Variants in SH3D19 observed in about 807,000 individuals in gnomAD.
SH3D19 encodes the protein SH3 domain-containing protein 19.
A neutral mutation model predicts 112.1 loss-of-function variants in SH3D19; 58 were observed. The observed-to-expected ratio is 0.52, with a 90% CI of 0.42 to 0.64. The LOEUF is 0.64. Ranked by LOEUF, SH3D19 falls within the 30% of genes least tolerant of loss-of-function variation. The pLI is 0.00. For missense variants in SH3D19, 1,090 were observed against 1,263.4 expected, an observed-to-expected ratio of 0.86 and a Z score of 2.08; for synonymous variants, 391 against 448.5, an observed-to-expected ratio of 0.87 and a Z score of 1.62.
At chr4:151,236,335 C>T (rs754486182) in intron 1 of SH3D19, among the ~76,000 whole-genome samples, 7 of 152,272 alleles carry the variant, frequency 4.6e-5, no homozygotes, top group Non-Finnish European at 4.4e-5. Context: ...GCACAGCTGG[C>T]TGGCACCTGC....
chr4:151,264,499 T>C (rs952185330), intron 1 of SH3D19, among the ~76,000 whole-genome samples: 9 of 151,918 alleles, frequency 5.9e-5, no homozygotes, highest in African/African-American at 9.7e-5. Flanking sequence ...TTCTATTCTT[T>C]AGTAGTAAGT....
rs940522602 is a variant in SH3D19 at position 151,143,973 on chromosome 4, T to C, written c.2160A>G (p.Arg720=). Reference sequence around the variant, plus strand: ...TAATCTTCATTTGAGACAGGTGAACTCTGCCAGTGTCTTCTCCCTTTTGGC... The same window carrying C: ...TAATCTTCATTTGAGACAGGTGAACCCTGCCAGTGTCTTCTCCCTTTTGGC... ...LECQKGEDTG[R]VHLSQMKIIT... The change falls in exon 12 of 20, where the codon AGA becomes AGG. Residue 720 remains arginine, a synonymous_variant. Transcript: ENST00000604030. 5 of 1,614,142 alleles carry C rather than the reference T, an allele frequency of 3.1e-6. No individual in the cohort carries two copies. The Admixed American group carries it at 8.3e-5, about 27-fold the overall frequency.
chr4:151,151,782 T>C (rs752858920), intron 9 of SH3D19, among the ~76,000 whole-genome samples: 9 of 152,204 alleles, frequency 5.9e-5, no homozygotes, highest in Non-Finnish European at 1.2e-4. Context: ...GCTTGAAAAA[T>C]GCATTTATTT....
intron 2 of SH3D19, among the ~76,000 whole-genome samples, chr4:151,210,843 C>T (rs1300339615): frequency 2.0e-5 from 3 of 151,908 alleles, no homozygotes; most frequent in Non-Finnish European, 2.9e-5. Context: ...ATAATAGGCA[C>T]GTATTATTTT....
Position 151,128,264 on chromosome 4 carries a change from G to A in SH3D19, c.2835C>T (p.Ile945=), listed in dbSNP as rs781524751. Reference sequence around the variant, plus strand: ...CAGAATCCAGACGTTCCAGAATCTGGATCCGGTCTCCCCTCTTGAATGATA... The same window carrying A: ...CAGAATCCAGACGTTCCAGAATCTGAATCCGGTCTCCCCTCTTGAATGATA... ...DDLSFKRGDR[I]QILERLDSDW... Residue 945 remains isoleucine, a synonymous_variant, in exon 18 of 20, where the codon ATC becomes ATT. Transcript: ENST00000604030. 1 of 1,613,958 alleles carries A rather than the reference G, an allele frequency of 6.2e-7. No individual in the cohort carries two copies. Among genetic ancestry groups the A allele is most frequent in the East Asian group, 2.2e-5 (1 of 44,886 alleles).
intron 1 of SH3D19, among the ~76,000 whole-genome samples, chr4:151,294,378 T>C (rs1775557546): frequency 6.6e-6 from 1 of 152,214 alleles, no homozygotes; most frequent in African/African-American, 2.4e-5. Context: ...TGGCAACATT[T>C]TTCTCATTAA....
chr4:151,175,992 T>C (rs1759900342), intron 6 of SH3D19, among the ~76,000 whole-genome samples: 1 of 152,080 alleles, frequency 6.6e-6, no homozygotes, highest in African/African-American at 2.4e-5. Flanking sequence ...CACTTCAGCT[T>C]CCTGAGTAGC....
At chr4:151,249,100 C>G (rs1463723568) in intron 1 of SH3D19, among the ~76,000 whole-genome samples, 1 of 152,090 alleles carries the variant, frequency 6.6e-6, no homozygotes, top group Non-Finnish European at 1.5e-5. Flanking sequence ...ATAAAACACT[C>G]AAGGGTATGT....
In SH3D19 at chr4:151,254,850, C is replaced by T. The variant is rs573086113; in HGVS notation, c.113-28764G>A. Among the ~76,000 whole-genome samples, 773 of 152,004 alleles carry T rather than the reference C, an allele frequency of 5.1e-3. 7 individuals carry two copies. Among genetic ancestry groups the T allele is most frequent in the African/African-American group, 0.018 (732 of 41,482 alleles). On this transcript the variant is annotated intron_variant, in intron 1 of 19. Transcript: ENST00000604030. ...TGAGCTGTTGGGCACACCTCCCAGACGGGGTGGTGGCCGGGCAGAGGGCTC... is the reference window on the plus strand; with the variant it reads ...TGAGCTGTTGGGCACACCTCCCAGATGGGGTGGTGGCCGGGCAGAGGGCTC...
intron 2 of SH3D19, among the ~76,000 whole-genome samples, chr4:151,192,779 T>C (rs1762848873): frequency 6.6e-6 from 1 of 152,208 alleles, no homozygotes; most frequent in South Asian, 2.1e-4. Flanking sequence ...TCTCAGGATG[T>C]TTCCCAAGAA....
At chr4:151,130,387 G>T (rs1750371400) in intron 17 of SH3D19, among the ~76,000 whole-genome samples, 1 of 152,004 alleles carries the variant, frequency 6.6e-6, no homozygotes, top group Non-Finnish European at 1.5e-5. Context: ...AGTGAGCTGA[G>T]ACCTCGACAC....
intron 2 of SH3D19, among the ~76,000 whole-genome samples, chr4:151,202,266 C>T (rs954883402): frequency 1.3e-5 from 2 of 152,080 alleles, no homozygotes; most frequent in Non-Finnish European, 2.9e-5. Context: ...ACTCAGGAGG[C>T]GGAGGTTGCT....
intron 1 of SH3D19, among the ~76,000 whole-genome samples, chr4:151,238,720 G>A (rs1770328083): frequency 6.6e-6 from 1 of 151,944 alleles, no homozygotes; most frequent in African/African-American, 2.4e-5. Context: ...CAGTGGGGCA[G>A]TCTTGGTCTC....
intron 1 of SH3D19, among the ~76,000 whole-genome samples, chr4:151,289,276 C>T (rs1182608634): frequency 1.3e-5 from 2 of 152,048 alleles, no homozygotes; most frequent in Non-Finnish European, 2.9e-5. Flanking sequence ...AACTATAGCA[C>T]CTTTAGGAAA....
At position 151,299,721 on chromosome 4, in the gene SH3D19, C is replaced by T. The variant is rs184894660; in HGVS notation, c.112+25520G>A. Among the ~76,000 whole-genome samples, 1,026 of 151,742 alleles carry T rather than the reference C, an allele frequency of 6.8e-3. 13 individuals carry two copies. The highest frequency in any genetic ancestry group is 0.023 in the African/African-American group (963 of 41,272). Reference sequence around the variant, plus strand: ...AACAGAGGGCTAATATGAAAGACCTCAAGGAGACAGTACCATAAACAAGAA... The same window carrying T: ...AACAGAGGGCTAATATGAAAGACCTTAAGGAGACAGTACCATAAACAAGAA... On this transcript the variant is annotated intron_variant, in intron 1 of 19. Transcript: ENST00000604030.
chr4:151,172,441 A>C (rs1469446359), intron 7 of SH3D19, among the ~76,000 whole-genome samples: 1 of 152,182 alleles, frequency 6.6e-6, no homozygotes, highest in East Asian at 1.9e-4. Flanking sequence ...TGCAGTCATC[A>C]GAGTGTAAAG....
intron 1 of SH3D19, among the ~76,000 whole-genome samples, chr4:151,227,406 C>T (rs1232482991): frequency 6.6e-6 from 1 of 152,174 alleles, no homozygotes; most frequent in African/African-American, 2.4e-5. Context: ...AAAAGATTCA[C>T]AATAAAGCAT....
At position 151,225,213 on chromosome 4, in the gene SH3D19, A is replaced by G. The variant is rs1036284331; in HGVS notation, c.152+834T>C. ...TTGGCTTACCAGAGCAGTCAATCCAATGAGTACATTACTTTAACAATTCCC... is the reference window on the plus strand; with the variant it reads ...TTGGCTTACCAGAGCAGTCAATCCAGTGAGTACATTACTTTAACAATTCCC... On this transcript the variant is annotated intron_variant, in intron 2 of 19. Coordinates refer to ENST00000604030, the MANE Select transcript of SH3D19 (RefSeq NM_001378122.1). Among the ~76,000 whole-genome samples the G allele has an allele frequency of 9.8e-5, 15 of 152,362 alleles. No homozygotes were observed. In the East Asian group the frequency reaches 1.7e-3, roughly 18 times the overall value.
At chr4:151,137,394 A>G (rs1055223265) in intron 14 of SH3D19, among the ~76,000 whole-genome samples, 1 of 152,208 alleles carries the variant, frequency 6.6e-6, no homozygotes, top group Non-Finnish European at 1.5e-5. Context: ...AGGATAAGCT[A>G]GTATCACTGA....
Sources: gnomAD v4.1 joint callset for allele counts (sites outside exome capture counted in the v4.1 genomes callset) on GRCh38, gnomAD v4.1.1 for gene constraint, MANE v1.5 for transcripts, NCBI Gene and HGNC (gene_info 2026-07-23, HGNC 2026-07-21) for gene names.